Variants in CELF4 observed in about 807,000 individuals in gnomAD.
CELF4 encodes the protein CUGBP Elav-like family member 4.
CELF4 carries 18 observed loss-of-function variants against 59.9 expected under a neutral mutation model. That is an observed-to-expected ratio of 0.30 (90% CI 0.21 to 0.45). The LOEUF (loss-of-function observed/expected upper bound fraction) is 0.45, where lower values mean the gene tolerates loss of function less well. Ranked by LOEUF, CELF4 falls within the 20% of genes least tolerant of loss-of-function variation. The pLI, the probability that CELF4 is intolerant of heterozygous loss-of-function variation, is 1.00. For synonymous variants in CELF4, 261 were observed against 267.1 expected (o/e 0.98, Z 0.22); for missense variants, 456 against 689.0 (o/e 0.66, Z 3.79).
chr18:37,275,493 C>A (rs2093004867), intron 3 of CELF4, among the ~76,000 whole-genome samples: 1 of 152,094 alleles, frequency 6.6e-6, no homozygotes, highest in East Asian at 1.9e-4. Flanking sequence ...AGAGCTGTGG[C>A]AGGCAGGAGC....
In CELF4 at chr18:37,273,134, T is replaced by G. The variant is rs1482151634; in HGVS notation, c.831A>C (p.Ala277=). ...TCAGGTAGCCGCCCTGCGCGACTGA[T>G]GCCATCAGGGCCGCTTGCTGCTGCA... ...ALMQQQAALM[A]SVAQGGYLNP... The change falls in exon 7 of 13, where the codon GCA becomes GCC. Residue 277 remains alanine (A), a synonymous_variant. Coordinates refer to ENST00000420428, the MANE Select transcript of CELF4 (RefSeq NM_020180.4). The G allele has an allele frequency of 6.2e-7, 1 of 1,613,178 alleles. No individual in the cohort carries two copies. Among genetic ancestry groups the G allele is most frequent in the Non-Finnish European group, 8.5e-7 (1 of 1,179,528 alleles).
chr18:37,485,429 G>T, intron 2 of CELF4, 96 bp downstream of exon 2: 2 of 598,006 alleles, frequency 3.3e-6, no homozygotes, highest in Non-Finnish European at 4.3e-6. Flanking sequence ...CGGGCGCCCT[G>T]CCGTCCTCTC....
intron 2 of CELF4, among the ~76,000 whole-genome samples, chr18:37,449,012 C>T (rs2099755930): frequency 1.3e-5 from 2 of 152,206 alleles, no homozygotes; most frequent in Admixed American, 1.3e-4. Context: ...TTAGTGACAG[C>T]ATCACGCTCC....
chr18:37,283,942 C>CACACACACACAACATA (rs1569523291), intron 3 of CELF4, among the ~76,000 whole-genome samples: 1 of 492 alleles, frequency 2.0e-3, no homozygotes. Context: ...AATACATGCA[C>CACACACACACAACATA]CACGCATATA....
At chr18:37,483,010 G>A (rs1241631246) in intron 2 of CELF4, among the ~76,000 whole-genome samples, 2 of 151,980 alleles carry the variant, frequency 1.3e-5, no homozygotes, top group Non-Finnish European at 2.9e-5. Flanking sequence ...GTGCTTGCTG[G>A]GGCACCTAGT....
At chr18:37,279,674 A>T (rs1382886317) in intron 3 of CELF4, among the ~76,000 whole-genome samples, 1 of 152,144 alleles carries the variant, frequency 6.6e-6, no homozygotes, top group Non-Finnish European at 1.5e-5. Flanking sequence ...CATCCACAAT[A>T]CACAAGTCCC....
At chr18:37,417,659 C>T (rs962595306) in intron 2 of CELF4, among the ~76,000 whole-genome samples, 3 of 152,192 alleles carry the variant, frequency 2.0e-5, no homozygotes, top group African/African-American at 7.2e-5. Context: ...CAGGGCCCAT[C>T]AGGTCAAATA....
At chr18:37,288,458 C>T (rs1316344728) in intron 3 of CELF4, among the ~76,000 whole-genome samples, 1 of 152,226 alleles carries the variant, frequency 6.6e-6, no homozygotes, top group Non-Finnish European at 1.5e-5. Flanking sequence ...CCACTTTAAC[C>T]TTATGAAGTG....
intron 8 of CELF4, among the ~76,000 whole-genome samples, chr18:37,269,478 G>A (rs978746171): frequency 6.6e-6 from 1 of 152,186 alleles, no homozygotes; most frequent in African/African-American, 2.4e-5. Flanking sequence ...TTATGTGGTT[G>A]TATAAAGCCC....
intron 2 of CELF4, among the ~76,000 whole-genome samples, chr18:37,373,532 C>A (rs774114172): frequency 1.3e-5 from 2 of 152,198 alleles, no homozygotes; most frequent in Non-Finnish European, 2.9e-5. Flanking sequence ...TCAGTGATGA[C>A]CAGCGGGTGT....
intron 1 of CELF4, among the ~76,000 whole-genome samples, chr18:37,506,466 C>A (rs1322342479): frequency 6.6e-6 from 1 of 152,136 alleles, no homozygotes; most frequent in East Asian, 1.9e-4. Flanking sequence ...TGTGCTGTTG[C>A]CAGGACAAGT....
chr18:37,470,521 T>C (rs2099818372), intron 2 of CELF4, among the ~76,000 whole-genome samples: 1 of 152,168 alleles, frequency 6.6e-6, no homozygotes, highest in South Asian at 2.1e-4. Flanking sequence ...AAAGGCCATG[T>C]TGCAAATGAG....
intron 1 of CELF4, among the ~76,000 whole-genome samples, chr18:37,510,783 C>A (rs1414196679): frequency 6.6e-6 from 1 of 152,184 alleles, no homozygotes; most frequent in South Asian, 2.1e-4. Context: ...GGTGCTTCCA[C>A]TTAGCCGTGC....
intron 2 of CELF4, among the ~76,000 whole-genome samples, chr18:37,352,965 T>C (rs2154555120): frequency 6.6e-6 from 1 of 152,158 alleles, no homozygotes; most frequent in South Asian, 2.1e-4. Flanking sequence ...CTCACGCCTG[T>C]AATCCCAGCA....
intron 2 of CELF4, among the ~76,000 whole-genome samples, chr18:37,329,791 A>G (rs1382105141): frequency 6.6e-5 from 10 of 152,226 alleles, no homozygotes; most frequent in African/African-American, 1.9e-4. Flanking sequence ...CAAGATGGAG[A>G]CTGCAGAGCA....
chr18:37,282,940 G>T (rs371767785), intron 3 of CELF4, among the ~76,000 whole-genome samples: 97 of 152,276 alleles, frequency 6.4e-4, no homozygotes, highest in South Asian at 6.2e-3. Context: ...AAGCCTTCCT[G>T]CTTGGGAAGA....
At chr18:37,359,612 A>C (rs1157498149) in intron 2 of CELF4, among the ~76,000 whole-genome samples, 1 of 151,822 alleles carries the variant, frequency 6.6e-6, no homozygotes, top group Non-Finnish European at 1.5e-5. Flanking sequence ...AGAGTGCTGG[A>C]ATTATAAGCA....
At chr18:37,378,961 C>T (rs2099004392) in intron 2 of CELF4, among the ~76,000 whole-genome samples, 2 of 152,232 alleles carry the variant, frequency 1.3e-5, no homozygotes, top group African/African-American at 4.8e-5. Context: ...GATACATCCC[C>T]TTCACCAGAA....
intron 2 of CELF4, among the ~76,000 whole-genome samples, chr18:37,356,312 ATTC>A (rs1437668859): frequency 6.6e-6 from 1 of 152,260 alleles, no homozygotes; most frequent in Non-Finnish European, 1.5e-5. Flanking sequence ...CAAATAAAAT[ATTC>A]TTCTATTCTG....
Sources: allele counts gnomAD v4.1 joint callset (sites outside exome capture counted in the v4.1 genomes callset), GRCh38; gene constraint gnomAD v4.1.1; transcripts MANE v1.5; gene names NCBI Gene and HGNC (gene_info 2026-07-23, HGNC 2026-07-21).